The following EPM2A variants were observed in gnomAD, a reference collection of about 807,000 sequenced individuals.
EPM2A encodes the protein laforin.
In EPM2A, 21 loss-of-function variants were observed where a neutral mutation model predicts 26.5. The observed-to-expected ratio is 0.79, with a 90% confidence interval of 0.56 to 1.14. The LOEUF (loss-of-function observed/expected upper bound fraction) is 1.14, where lower values mean the gene tolerates loss of function less well. Among genes scored for constraint, EPM2A ranks in the 50% most tolerant of loss-of-function variants. The probability of loss-of-function intolerance (pLI) is 0.00; values close to 1 mark genes in which losing one functional copy is unlikely to be tolerated. For synonymous variants in EPM2A, 217 were observed against 177.6 expected (o/e 1.22, Z -1.76); for missense variants, 458 against 440.8 (o/e 1.04, Z -0.35).
At chr6:145,732,558 T>C (rs1776553623) in intron 1 of EPM2A, among the ~76,000 whole-genome samples, 1 of 152,070 alleles carries the variant, frequency 6.6e-6, no homozygotes, top group Admixed American at 6.5e-5. Context: ...AGCTAGGACA[T>C]TGTGAGAACT....
At chr6:145,494,145 C>T (rs564353128) in intron 4 of EPM2A, among the ~76,000 whole-genome samples, 6 of 152,272 alleles carry the variant, frequency 3.9e-5, no homozygotes, top group African/African-American at 1.4e-4. Context: ...CTATTTATTA[C>T]TGCCTCAATT....
Position 145,733,858 on chromosome 6 carries a change from AT to A in EPM2A, c.301+1339del, listed in dbSNP as rs201492473. Reference sequence around the variant, plus strand: ...TACATCATTACAGGCTAAATGGCCCATTTTTTTTTTCATATAAACTTCTAAA... The same window carrying A: ...TACATCATTACAGGCTAAATGGCCCATTTTTTTTTCATATAAACTTCTAAA... On this transcript the variant is annotated intron_variant, in intron 1 of 3. Transcript: ENST00000367519. Among the ~76,000 whole-genome samples, 1,417 of 149,560 alleles carry A rather than the reference AT, an allele frequency of 9.5e-3. 50 individuals carry two copies. The highest frequency in any genetic ancestry group is 0.066 in the Admixed American group (990 of 15,016).
intron 2 of EPM2A, among the ~76,000 whole-genome samples, chr6:145,594,977 T>G (rs1344304106): frequency 2.6e-5 from 4 of 151,894 alleles, no homozygotes; most frequent in Non-Finnish European, 1.5e-5. Context: ...CAATTTTTTT[T>G]TCTTAACTTT....
intron 4 of EPM2A, among the ~76,000 whole-genome samples, chr6:145,459,606 C>T (rs535773343): frequency 3.9e-5 from 6 of 152,022 alleles, no homozygotes; most frequent in African/African-American, 1.2e-4. Context: ...GTCCCTGGAT[C>T]CTCCCCAAAT....
chr6:145,581,287 C>T (rs1369428493), intron 2 of EPM2A, among the ~76,000 whole-genome samples: 4 of 151,952 alleles, frequency 2.6e-5, no homozygotes, highest in East Asian at 1.9e-4. Context: ...TTGTTGGCTG[C>T]GTGTATGTGT....
At chr6:145,541,565 T>C (rs367943937) in intron 2 of EPM2A, among the ~76,000 whole-genome samples, 4 of 152,112 alleles carry the variant, frequency 2.6e-5, no homozygotes, top group African/African-American at 4.8e-5. Flanking sequence ...AAGTTGCCAA[T>C]TGAAGGTGTC....
chr6:145,606,766 CA>C, intron 2 of EPM2A, among the ~76,000 whole-genome samples: 1 of 152,218 alleles, frequency 6.6e-6, no homozygotes, highest in African/African-American at 2.4e-5. Flanking sequence ...ACAGGAGAGA[CA>C]TACTTTGGCA....
intron 1 of EPM2A, among the ~76,000 whole-genome samples, chr6:145,707,441 C>T (rs888936549): frequency 6.6e-6 from 1 of 152,154 alleles, no homozygotes; most frequent in Non-Finnish European, 1.5e-5. Context: ...TTGGCTGTGT[C>T]CTCACCCAAA....
chr6:145,588,588 T>A (rs1468960209), intron 2 of EPM2A, among the ~76,000 whole-genome samples: 1 of 152,204 alleles, frequency 6.6e-6, no homozygotes, highest in Non-Finnish European at 1.5e-5. Context: ...TTCTATGTTG[T>A]TTTTTCCTTT....
intron 1 of EPM2A, among the ~76,000 whole-genome samples, chr6:145,692,977 G>C (rs768640254): frequency 2.0e-5 from 3 of 152,052 alleles, no homozygotes; most frequent in African/African-American, 7.2e-5. Context: ...GATAGGAATA[G>C]GGTTGAATCT....
chr6:145,575,099 A>G (rs1781013013), intron 2 of EPM2A, among the ~76,000 whole-genome samples: 1 of 152,102 alleles, frequency 6.6e-6, no homozygotes, highest in Admixed American at 6.5e-5. Flanking sequence ...TTGCCTGTCA[A>G]CTGCCTCAGG....
At chr6:145,436,206 C>T (rs1430923670) in intron 4 of EPM2A, among the ~76,000 whole-genome samples, 1 of 152,162 alleles carries the variant, frequency 6.6e-6, no homozygotes, top group Non-Finnish European at 1.5e-5. Flanking sequence ...AAATATGTTG[C>T]ATTGTACAGA....
rs1477550977 is a variant in EPM2A, at chr6:145,443,293, A to C, written c.556-59196T>G. On this transcript the variant is annotated intron_variant, in intron 4 of 4. Transcript: ENST00000638717. ...ATGACATTGGTAGTTTGATAGGAATAGCATTGAATCCAGAAATTGCTTTGG... is the reference window on the plus strand; with the variant it reads ...ATGACATTGGTAGTTTGATAGGAATCGCATTGAATCCAGAAATTGCTTTGG... Among the ~76,000 whole-genome samples, 3 of 152,208 alleles carry C rather than the reference A, an allele frequency of 2.0e-5. No homozygotes were observed. The East Asian group carries it at 5.8e-4, about 29-fold the overall frequency.
At chr6:145,490,152 C>T in intron 4 of EPM2A, 2 of 1,071,118 alleles carry the variant, frequency 1.9e-6, no homozygotes, top group Non-Finnish European at 2.7e-6. Context: ...CACGTTTCTA[C>T]TGAAAGAACT....
intron 1 of EPM2A, among the ~76,000 whole-genome samples, chr6:145,695,301 C>A (rs560895033): frequency 1.3e-5 from 2 of 151,744 alleles, no homozygotes; most frequent in East Asian, 3.9e-4. Flanking sequence ...TATACTTCCA[C>A]AAAATATAAA....
At chr6:145,388,837 A>G (rs577975666) in intron 4 of EPM2A, among the ~76,000 whole-genome samples, 1 of 152,292 alleles carries the variant, frequency 6.6e-6, no homozygotes, top group East Asian at 1.9e-4. Flanking sequence ...TGCAAAGGAC[A>G]TGAATTCATC....
chr6:145,643,752 T>C (rs1777253341), intron 2 of EPM2A, among the ~76,000 whole-genome samples: 1 of 152,206 alleles, frequency 6.6e-6, no homozygotes, highest in Admixed American at 6.5e-5. Flanking sequence ...TCTTCTTCAC[T>C]GCCAACTATT....
At chr6:145,679,566 T>C (rs969634958) in intron 2 of EPM2A, among the ~76,000 whole-genome samples, 1 of 152,132 alleles carries the variant, frequency 6.6e-6, no homozygotes, top group East Asian at 1.9e-4. Flanking sequence ...AAAGAAATAA[T>C]TGAAGAAATT....
chr6:145,441,344 T>C (rs1356200755), intron 4 of EPM2A, among the ~76,000 whole-genome samples: 2 of 152,118 alleles, frequency 1.3e-5, no homozygotes, highest in African/African-American at 4.8e-5. Flanking sequence ...CTAAACCATT[T>C]TTTCCTCCTA....
Sources: allele counts gnomAD v4.1 joint callset (sites outside exome capture counted in the v4.1 genomes callset), GRCh38; gene constraint gnomAD v4.1.1; transcripts MANE v1.5; gene names NCBI Gene and HGNC (gene_info 2026-07-23, HGNC 2026-07-21).